ASTN2: variants seen among roughly 807,000 people sequenced by gnomAD.
ASTN2 encodes astrotactin-2.
A neutral mutation model predicts 139.8 loss-of-function variants in ASTN2; 54 were observed. The ratio of observed to expected loss-of-function variants is 0.39; its 90% CI spans 0.31 to 0.48. ASTN2 has a LOEUF of 0.48. ASTN2 is among the 20% of genes least tolerant of loss of function. The pLI is 0.95. For synonymous variants in ASTN2, 756 were observed against 719.5 expected (o/e 1.05, Z -0.81); for missense variants, 1,565 against 1,725.1 (o/e 0.91, Z 1.64).
At chr9:116,742,199 C>T (rs1386319355) in intron 13 of ASTN2, among the ~76,000 whole-genome samples, 1 of 152,216 alleles carries the variant, frequency 6.6e-6, no homozygotes, top group African/African-American at 2.4e-5. Flanking sequence ...GTGTTTCAAG[C>T]TGGACAATAG....
chr9:116,716,177 G>T (rs1040777676), intron 16 of ASTN2, among the ~76,000 whole-genome samples: 10 of 152,154 alleles, frequency 6.6e-5, no homozygotes, highest in Non-Finnish European at 1.3e-4. Context: ...GTATGATTTT[G>T]CACCTGTTTG....
chr9:117,247,153 G>T (rs540135739), intron 2 of ASTN2, among the ~76,000 whole-genome samples: 55 of 152,264 alleles, frequency 3.6e-4, no homozygotes, highest in African/African-American at 1.3e-3. Flanking sequence ...AATCATAACA[G>T]AACAAGAGAG....
chr9:117,019,053 C>T (rs573221076), intron 6 of ASTN2, among the ~76,000 whole-genome samples: 27 of 152,138 alleles, frequency 1.8e-4, no homozygotes, highest in African/African-American at 6.3e-4. Flanking sequence ...ATCCACATCA[C>T]TAAGATTTCT....
At chr9:117,316,934 G>A (rs1308388494) in intron 1 of ASTN2, among the ~76,000 whole-genome samples, 2 of 152,154 alleles carry the variant, frequency 1.3e-5, no homozygotes, top group Admixed American at 6.5e-5. Flanking sequence ...AACACACTGG[G>A]TGTATCTGGG....
At chr9:117,168,610 GAC>G (rs1390024716) in intron 3 of ASTN2, among the ~76,000 whole-genome samples, 10 of 152,098 alleles carry the variant, frequency 6.6e-5, no homozygotes, top group Admixed American at 5.9e-4. Context: ...CCGATTTCCA[GAC>G]ACATATGCCC....
At chr9:117,001,155 G>A (rs1837180380) in intron 7 of ASTN2, among the ~76,000 whole-genome samples, 3 of 152,098 alleles carry the variant, frequency 2.0e-5, no homozygotes. Context: ...TCACTTGGGA[G>A]AAAAAATTTT....
rs150015088 is a variant in ASTN2, at chr9:116,547,005, T to C, written c.3356-59505A>G. Among the ~76,000 whole-genome samples, 800 of 152,338 alleles carry C rather than the reference T, an allele frequency of 5.3e-3. 3 individuals carry two copies. Among genetic ancestry groups the C allele is most frequent in the Non-Finnish European group, 8.3e-3 (563 of 68,032 alleles). ...GGTAGGAATAATATTATTTCATTTATGTTTTATTTATGTGGTGGTGTGATA... is the reference window on the plus strand; with the variant it reads ...GGTAGGAATAATATTATTTCATTTACGTTTTATTTATGTGGTGGTGTGATA... On this transcript the variant is annotated intron_variant, in intron 19 of 22. Coordinates refer to ENST00000313400, the MANE Select transcript of ASTN2 (RefSeq NM_001365068.1).
At chr9:116,621,724 T>A (rs1373026211) in intron 17 of ASTN2, among the ~76,000 whole-genome samples, 2 of 152,210 alleles carry the variant, frequency 1.3e-5, no homozygotes, top group African/African-American at 4.8e-5. Context: ...CTAGCACAGT[T>A]ATTCAGTCAA....
At chr9:116,785,489 C>T (rs1264611334) in intron 13 of ASTN2, among the ~76,000 whole-genome samples, 1 of 152,190 alleles carries the variant, frequency 6.6e-6, no homozygotes, top group East Asian at 1.9e-4. Context: ...TTCCATCACA[C>T]TATGGTCTAC....
At position 117,191,883 on chromosome 9, in the gene ASTN2, A is replaced by T. The variant is rs145699813; in HGVS notation, c.1015+22475T>A. On this transcript the variant is annotated intron_variant, in intron 3 of 22. Coordinates refer to ENST00000313400, the MANE Select transcript of ASTN2 (RefSeq NM_001365068.1). ...AGAATGTGCAAGGGTCCCCAGAGAT[A>T]AAGAGAAAGCGGGGCTCTGAGGGAG... Among the ~76,000 whole-genome samples, 143 of 152,298 alleles carry T rather than the reference A, an allele frequency of 9.4e-4. 1 individual carries two copies. The East Asian group carries it at 0.025, about 27-fold the overall frequency.
chr9:116,666,806 T>C (rs1379178442), intron 16 of ASTN2, among the ~76,000 whole-genome samples: 1 of 152,042 alleles, frequency 6.6e-6, no homozygotes, highest in African/African-American at 2.4e-5. Context: ...ATCTGTAATT[T>C]GAACAGTTCT....
At chr9:117,406,534 A>G (rs1830994517) in intron 1 of ASTN2, among the ~76,000 whole-genome samples, 1 of 151,942 alleles carries the variant, frequency 6.6e-6, no homozygotes, top group Non-Finnish European at 1.5e-5. Context: ...ACCGACCTTC[A>G]TGCTGTCCCT....
At chr9:116,563,247 T>C (rs1392571534) in intron 19 of ASTN2, among the ~76,000 whole-genome samples, 1 of 151,626 alleles carries the variant, frequency 6.6e-6, no homozygotes, top group East Asian at 1.9e-4. Flanking sequence ...CGGGGGTGGG[T>C]GCCTATAGTC....
intron 2 of ASTN2, among the ~76,000 whole-genome samples, chr9:117,250,206 T>C (rs1833500182): frequency 6.6e-6 from 1 of 152,224 alleles, no homozygotes; most frequent in Non-Finnish European, 1.5e-5. Context: ...GCAATGAATG[T>C]GCTAGGCATC....
At chr9:117,313,816 G>A (rs1225842353) in intron 1 of ASTN2, among the ~76,000 whole-genome samples, 1 of 152,114 alleles carries the variant, frequency 6.6e-6, no homozygotes, top group Non-Finnish European at 1.5e-5. Context: ...ACTGCCTCAA[G>A]GAAAATTGAA....
chr9:116,589,871 G>C (rs950069710), intron 19 of ASTN2, among the ~76,000 whole-genome samples: 1 of 152,202 alleles, frequency 6.6e-6, no homozygotes, highest in Admixed American at 6.5e-5. Flanking sequence ...ACCCACTGTA[G>C]AGTTTCTACA....
intron 19 of ASTN2, among the ~76,000 whole-genome samples, chr9:116,608,288 T>A (rs1183344043): frequency 6.6e-6 from 1 of 152,164 alleles, no homozygotes; most frequent in Admixed American, 6.5e-5. Flanking sequence ...GATTGATGTA[T>A]GTACATGAGA....
chr9:116,819,539 C>T (rs534235999), intron 12 of ASTN2, among the ~76,000 whole-genome samples: 1 of 152,288 alleles, frequency 6.6e-6, no homozygotes, highest in African/African-American at 2.4e-5. Flanking sequence ...TAGAATCATA[C>T]AAGTTTAATT....
At chr9:116,801,034 T>C (rs1284697097) in intron 13 of ASTN2, among the ~76,000 whole-genome samples, 1 of 152,060 alleles carries the variant, frequency 6.6e-6, no homozygotes, top group African/African-American at 2.4e-5. Flanking sequence ...CACTAGCTGG[T>C]AGAGAGTTTG....
Sources: gnomAD v4.1 joint callset for allele counts (sites outside exome capture counted in the v4.1 genomes callset) on GRCh38, gnomAD v4.1.1 for gene constraint, MANE v1.5 for transcripts, NCBI Gene and HGNC (gene_info 2026-07-23, HGNC 2026-07-21) for gene names.